The following KIF16B variants were observed in gnomAD, a reference collection of about 807,000 sequenced individuals.
The protein encoded by KIF16B is kinesin family member 16B.
In KIF16B, 98 loss-of-function variants were observed where a neutral mutation model predicts 156.3. The observed-to-expected ratio is 0.63, with a 90% CI of 0.53 to 0.74. The LOEUF is 0.74. Among genes scored for constraint, KIF16B ranks in the 30% least tolerant of loss-of-function variants. The probability of loss-of-function intolerance (pLI) is 0.00; values close to 1 mark genes in which losing one functional copy is unlikely to be tolerated. For missense variants in KIF16B, 1,421 were observed against 1,606.5 expected (o/e 0.88, Z 1.97); for synonymous variants, 564 against 583.7 (o/e 0.97, Z 0.49).
chr20:16,403,055 T>G (rs1194303832), intron 17 of KIF16B, among the ~76,000 whole-genome samples: 1 of 152,142 alleles, frequency 6.6e-6, no homozygotes, highest in Non-Finnish European at 1.5e-5. Context: ...GCGTTTTGGT[T>G]TTCAAAGCCA....
At position 16,379,869 on chromosome 20, in the gene KIF16B, T is replaced by G. The variant is rs371224351; in HGVS notation, c.2133A>C (p.Arg711=). Residue 711 remains arginine (R), a synonymous_variant, in exon 19 of 26, where the codon CGA becomes CGC. Coordinates refer to ENST00000354981, the MANE Select transcript of KIF16B (RefSeq NM_024704.5). ...TCTCGTTGTTGTTGAGTTCTTTGAGTCGTTGGAGTTCTTCTTGGACGCGGA... is the reference window on the plus strand; with the variant it reads ...TCTCGTTGTTGTTGAGTTCTTTGAGGCGTTGGAGTTCTTCTTGGACGCGGA... ...TFLRVQEELQ[R]LKELNNNEKA... The G allele has an allele frequency of 8.7e-6, 14 of 1,614,228 alleles. No homozygotes were observed. Among genetic ancestry groups the G allele is most frequent in the Non-Finnish European group, 1.2e-5 (14 of 1,180,044 alleles).
In KIF16B at chr20:16,573,257, C is replaced by A. The variant is rs1363890531; in HGVS notation, c.19G>T (p.Ala7Ser). 2.5e-6 allele frequency: 4 copies of A among 1,607,528 alleles called. No homozygotes were observed. The East Asian group carries it at 9.0e-5, about 36-fold the overall frequency. MASVKV[A>S]VRVRPMNRRE... ...CGATTCATGGGCCGGACCCTCACGG[C>A]CACCTTGACCGATGCCATCGCTCAT... The change falls in exon 1 of 26, where the codon GCC becomes TCC. Residue 7 changes from alanine to serine, a missense_variant. Physicochemically the swap from Ala to Ser is moderately conservative, Grantham distance 99. Transcript: ENST00000354981.
chr20:16,437,872 C>T (rs1010755602), intron 12 of KIF16B, among the ~76,000 whole-genome samples: 6 of 151,788 alleles, frequency 4.0e-5, no homozygotes, highest in Non-Finnish European at 8.8e-5. Flanking sequence ...GTGGCTCATG[C>T]CTGTAATCCC....
At chr20:16,485,008 T>G (rs1044081730) in intron 12 of KIF16B, among the ~76,000 whole-genome samples, 3 of 152,214 alleles carry the variant, frequency 2.0e-5, no homozygotes, top group African/African-American at 7.2e-5. Flanking sequence ...TACACTGTGG[T>G]TGTACCCATG....
chr20:16,394,076 C>T (rs1403828365), intron 17 of KIF16B, among the ~76,000 whole-genome samples: 1 of 152,168 alleles, frequency 6.6e-6, no homozygotes, highest in African/African-American at 2.4e-5. Flanking sequence ...TAGGAGGAAA[C>T]CTACTTTCTC....
chr20:16,476,556 G>A (rs1278436938), intron 12 of KIF16B, among the ~76,000 whole-genome samples: 5 of 151,942 alleles, frequency 3.3e-5, no homozygotes, highest in Non-Finnish European at 5.9e-5. Flanking sequence ...AAATCAACTC[G>A]CAAAATCTCT....
intron 12 of KIF16B, among the ~76,000 whole-genome samples, chr20:16,487,661 T>C (rs1335628665): frequency 6.6e-6 from 1 of 152,190 alleles, no homozygotes; most frequent in African/African-American, 2.4e-5. Flanking sequence ...CGGAAAAGAA[T>C]CCCAATTTCA....
chr20:16,433,916 T>A (rs1178301897), intron 12 of KIF16B, among the ~76,000 whole-genome samples: 2 of 152,218 alleles, frequency 1.3e-5, no homozygotes, highest in Admixed American at 6.5e-5. Context: ...AAATACCTCT[T>A]GGATAAGATG....
At chr20:16,476,540 T>C (rs2067818649) in intron 12 of KIF16B, among the ~76,000 whole-genome samples, 2 of 152,214 alleles carry the variant, frequency 1.3e-5, no homozygotes, top group African/African-American at 4.8e-5. Context: ...ACAAGCCCTT[T>C]ATTCAAAATC....
chr20:16,371,636 C>A, intron 21 of KIF16B, 29 bp downstream of exon 21: 52 of 1,139,062 alleles, frequency 4.6e-5, no homozygotes, highest in African/African-American at 6.3e-5. Context: ...GAACTTGTTA[C>A]TTCGTGTTAC....
chr20:16,415,083 T>C (rs993609115), intron 15 of KIF16B, among the ~76,000 whole-genome samples: 1 of 152,156 alleles, frequency 6.6e-6, no homozygotes, highest in Non-Finnish European at 1.5e-5. Context: ...AGCCTCATTG[T>C]AATTCAAGGA....
At chr20:16,275,450 A>G (rs1172457366) in intron 25 of KIF16B, among the ~76,000 whole-genome samples, 2 of 150,676 alleles carry the variant, frequency 1.3e-5, no homozygotes, top group Non-Finnish European at 3.0e-5. Flanking sequence ...ATCCCCTTCA[A>G]AAGTTTCCTA....
rs796385940 is a variant in KIF16B, at chr20:16,440,533, G to A, written c.1303-10551C>T. On this transcript the variant is annotated intron_variant, in intron 12 of 25. Transcript: ENST00000354981. ...CTATGGTTAAAACACACAAGCGCGCGCACACACACACACACACACACACAC... is the reference window on the plus strand; with the variant it reads ...CTATGGTTAAAACACACAAGCGCGCACACACACACACACACACACACACAC... Among the ~76,000 whole-genome samples the A allele has an allele frequency of 4.4e-3, 614 of 138,260 alleles. 5 individuals are homozygous for A. The highest frequency in any genetic ancestry group is 6.7e-3 in the Non-Finnish European group (430 of 64,098). The allele number at this position is 138,260 out of a possible 152,430, so 90.7% of individuals were successfully genotyped here.
At chr20:16,562,026 T>C (rs2071081001) in intron 1 of KIF16B, among the ~76,000 whole-genome samples, 1 of 152,204 alleles carries the variant, frequency 6.6e-6, no homozygotes, top group South Asian at 2.1e-4. Flanking sequence ...TTAGTTAATT[T>C]CTTCGTTTTG....
intron 3 of KIF16B, among the ~76,000 whole-genome samples, chr20:16,515,952 T>G (rs1469872347): frequency 1.3e-5 from 2 of 152,210 alleles, no homozygotes; most frequent in African/African-American, 4.8e-5. Context: ...AAAATCATGT[T>G]TAGAAGCAAA....
chr20:16,279,514 C>T (rs946058153), intron 25 of KIF16B, among the ~76,000 whole-genome samples: 1 of 152,162 alleles, frequency 6.6e-6, no homozygotes. Flanking sequence ...AATCTCACAG[C>T]GCTGGCAGGG....
chr20:16,568,779 C>T (rs2071351660), intron 1 of KIF16B, among the ~76,000 whole-genome samples: 2 of 139,142 alleles, frequency 1.4e-5, no homozygotes, highest in South Asian at 4.7e-4. Context: ...GACTCTGCGC[C>T]ACTGCACTCT....
At chr20:16,324,309 G>T (rs2063811863) in intron 24 of KIF16B, among the ~76,000 whole-genome samples, 1 of 151,912 alleles carries the variant, frequency 6.6e-6, no homozygotes. Context: ...TGGAGAGGGA[G>T]GTTCAGACAA....
At chr20:16,385,827 T>G (rs891411635) in intron 17 of KIF16B, among the ~76,000 whole-genome samples, 1 of 152,214 alleles carries the variant, frequency 6.6e-6, no homozygotes, top group Non-Finnish European at 1.5e-5. Context: ...TTCTAGGTAC[T>G]GTGAATTTAA....
Sources: allele counts gnomAD v4.1 joint callset (sites outside exome capture counted in the v4.1 genomes callset), GRCh38; gene constraint gnomAD v4.1.1; transcripts MANE v1.5; gene names NCBI Gene and HGNC (gene_info 2026-07-23, HGNC 2026-07-21).